IMMP2L: variants seen among roughly 807,000 people sequenced by gnomAD.
The protein encoded by IMMP2L is mitochondrial inner membrane protease subunit 2.
A neutral mutation model predicts 19.3 loss-of-function variants in IMMP2L; 18 were observed. The observed-to-expected ratio is 0.93, with a 90% CI of 0.64 to 1.38. The LOEUF (loss-of-function observed/expected upper bound fraction) is 1.38, where lower values mean the gene tolerates loss of function less well. Among genes scored for constraint, IMMP2L ranks in the 40% most tolerant of loss-of-function variants. IMMP2L has a pLI of 0.00. For missense variants in IMMP2L, 233 were observed against 218.2 expected (o/e 1.07, Z -0.43); for synonymous variants, 76 against 73.0 (o/e 1.04, Z -0.21).
chr7:111,425,274 G>A (rs1835955382), intron 3 of IMMP2L, among the ~76,000 whole-genome samples: 1 of 151,298 alleles, frequency 6.6e-6, no homozygotes. Context: ...GACTGAGAAG[G>A]ACCATGAGAG....
At chr7:111,525,268 G>A (rs1320983900) in intron 1 of IMMP2L, among the ~76,000 whole-genome samples, 3 of 152,114 alleles carry the variant, frequency 2.0e-5, no homozygotes, top group African/African-American at 7.2e-5. Context: ...TGGGTCAGGA[G>A]TGGCCATGTT....
chr7:110,786,040 A>T (rs1800053001), intron 5 of IMMP2L, among the ~76,000 whole-genome samples: 1 of 151,948 alleles, frequency 6.6e-6, no homozygotes, highest in Non-Finnish European at 1.5e-5. Flanking sequence ...AATGAAAACG[A>T]TGAATTCAGA....
chr7:110,999,257 T>C (rs1823371173), intron 3 of IMMP2L, among the ~76,000 whole-genome samples: 1 of 151,972 alleles, frequency 6.6e-6, no homozygotes, highest in South Asian at 2.1e-4. Flanking sequence ...AATATCCTTC[T>C]TCAGGTCTGG....
Position 111,562,239 on chromosome 7 carries a change from CAGATAA to C in IMMP2L, c.-397_-392del, listed in dbSNP as rs1792171169. 6.6e-6 allele frequency: 1 copy of C among 152,208 alleles called. No homozygotes were observed. Among genetic ancestry groups the C allele is most frequent in the Non-Finnish European group, 1.5e-5 (1 of 68,076 alleles). 9.4% of individuals were successfully genotyped at this position (152,208 alleles called of 1,614,324 possible). On this transcript the variant is annotated 5_prime_UTR_variant, in exon 1 of 6. Coordinates refer to ENST00000405709, the MANE Select transcript of IMMP2L (RefSeq NM_032549.4). ...GCTGGGGTGGCCGCCGCACGCGCCT[CAGATAA>C]ACACGCGCACGCACACATGCTCGCG...
At chr7:110,910,598 T>C (rs1393165091) in intron 4 of IMMP2L, among the ~76,000 whole-genome samples, 2 of 152,080 alleles carry the variant, frequency 1.3e-5, no homozygotes, top group Non-Finnish European at 2.9e-5. Context: ...TACATGTTAG[T>C]CACTGAGTCA....
At chr7:111,492,435 G>T (rs1450800965) in intron 2 of IMMP2L, 85 of 976,540 alleles carry the variant, frequency 8.7e-5, no homozygotes, top group Non-Finnish European at 1.0e-4. Context: ...CTTCCCCTCT[G>T]TCAAGAATGT....
rs777862357 is a variant in IMMP2L at position 111,556,018 on chromosome 7, G to GTGTGTGTATATATATATATATA, written c.-3+5832_-3+5833insTATATATATATATATACACACA. The stretch of plus-strand genomic sequence containing the variant: ...TTAGCCATCCCTCTTCTGTGTGCAT[G>GTGTGTGTATATATATATATATA]TATATATATATATATATACATACCC... On this transcript the variant is annotated intron_variant, in intron 1 of 5. Coordinates refer to ENST00000405709, the MANE Select transcript of IMMP2L (RefSeq NM_032549.4). Among the ~76,000 whole-genome samples the GTGTGTGTATATATATATATATA allele has an allele frequency of 7.4e-3, 672 of 91,336 alleles. 28 individuals carry two copies. Among genetic ancestry groups the GTGTGTGTATATATATATATATA allele is most frequent in the Middle Eastern group, 0.016 (3 of 190 alleles). The allele number at this position is 91,336 out of a possible 152,430, so 59.9% of individuals were successfully genotyped here.
chr7:110,928,375 ACACAC>A (rs1815094045), intron 4 of IMMP2L, among the ~76,000 whole-genome samples: 2 of 149,378 alleles, frequency 1.3e-5, no homozygotes, highest in Admixed American at 6.7e-5. Context: ...ACACACACAC[ACACAC>A]ACACACACAC....
chr7:111,307,755 A>G (rs1382795033), intron 3 of IMMP2L, among the ~76,000 whole-genome samples: 2 of 151,744 alleles, frequency 1.3e-5, no homozygotes, highest in Admixed American at 6.6e-5. Flanking sequence ...TATTTGTTCC[A>G]ATTGTGTTTC....
chr7:110,918,182 C>T (rs1486050373), intron 4 of IMMP2L, among the ~76,000 whole-genome samples: 1 of 152,074 alleles, frequency 6.6e-6, no homozygotes, highest in Non-Finnish European at 1.5e-5. Flanking sequence ...TAGTGTAAAC[C>T]ATTAGATGTC....
At chr7:110,839,883 T>C (rs1018607839) in intron 5 of IMMP2L, among the ~76,000 whole-genome samples, 1 of 152,150 alleles carries the variant, frequency 6.6e-6, no homozygotes, top group African/African-American at 2.4e-5. Context: ...TAAGCTGATA[T>C]ACTCTGCTTG....
chr7:111,322,757 A>G (rs945350817), intron 3 of IMMP2L, among the ~76,000 whole-genome samples: 5 of 152,020 alleles, frequency 3.3e-5, no homozygotes, highest in Admixed American at 2.6e-4. Context: ...TCACCTGCAA[A>G]TTAAAAAGCA....
intron 3 of IMMP2L, among the ~76,000 whole-genome samples, chr7:111,177,069 A>G (rs1807151396): frequency 2.0e-5 from 3 of 152,264 alleles, no homozygotes; most frequent in Admixed American, 2.0e-4. Context: ...ATCTTGAAAA[A>G]GTACTGCACA....
At chr7:111,298,085 G>A (rs253375) in intron 3 of IMMP2L, among the ~76,000 whole-genome samples, 83,815 of 151,894 alleles carry the variant, frequency 0.55, 23,656 homozygotes, top group South Asian at 0.72. Context: ...AAAATGTGGC[G>A]TATGCTTAAA....
chr7:111,047,106 C>T (rs993796635), intron 3 of IMMP2L, among the ~76,000 whole-genome samples: 1 of 152,096 alleles, frequency 6.6e-6, no homozygotes, highest in Non-Finnish European at 1.5e-5. Context: ...GGAAACACAT[C>T]GTTACCTCTG....
At chr7:111,360,701 C>T (rs1008890456) in intron 3 of IMMP2L, among the ~76,000 whole-genome samples, 2 of 151,898 alleles carry the variant, frequency 1.3e-5, no homozygotes, top group Non-Finnish European at 2.9e-5. Flanking sequence ...ATCTATAGTC[C>T]CAGATACTTG....
chr7:110,955,195 T>A (rs13223294), intron 4 of IMMP2L, among the ~76,000 whole-genome samples: 1 of 152,010 alleles, frequency 6.6e-6, no homozygotes, highest in Admixed American at 6.6e-5. Flanking sequence ...TTATTAACAA[T>A]TCCATTTTTA....
At chr7:111,181,867 A>G (rs1807747531) in intron 3 of IMMP2L, among the ~76,000 whole-genome samples, 1 of 152,050 alleles carries the variant, frequency 6.6e-6, no homozygotes, top group Non-Finnish European at 1.5e-5. Flanking sequence ...ATAAATAGCT[A>G]TAAATTTTGT....
intron 3 of IMMP2L, among the ~76,000 whole-genome samples, chr7:111,346,887 T>C (rs187618143): frequency 6.6e-6 from 1 of 152,294 alleles, no homozygotes; most frequent in Admixed American, 6.5e-5. Flanking sequence ...AATGAAGCTA[T>C]ACTTTGGTTT....
Sources: allele counts gnomAD v4.1 joint callset (sites outside exome capture counted in the v4.1 genomes callset), GRCh38; gene constraint gnomAD v4.1.1; transcripts MANE v1.5; gene names NCBI Gene and HGNC (gene_info 2026-07-23, HGNC 2026-07-21).